Variants in EHF observed in about 807,000 individuals in gnomAD.
EHF encodes ESE3 transcription factor.
Under a neutral mutation model 45.1 loss-of-function variants are expected in EHF, and 14 were observed. The ratio of observed to expected loss-of-function variants is 0.31; its 90% CI spans 0.21 to 0.49. The LOEUF (loss-of-function observed/expected upper bound fraction) is 0.49, where lower values mean the gene tolerates loss of function less well. Ranked by LOEUF, EHF falls within the 20% of genes least tolerant of loss-of-function variation. EHF has a pLI of 0.99. For synonymous variants in EHF, 136 were observed against 131.8 expected, an observed-to-expected ratio of 1.03 and a Z score of -0.22; for missense variants, 282 against 371.4, an observed-to-expected ratio of 0.76 and a Z score of 1.98.
At chr11:34,624,393 T>G in intron 1 of EHF, 6 of 809,564 alleles carry the variant, frequency 7.4e-6, no homozygotes, top group Non-Finnish European at 9.0e-6. Context: ...CCAGGTTCTC[T>G]TAAATCTCTT....
Position 34,631,044 on chromosome 11 carries a change from T to A in EHF, c.-4+9816T>A, listed in dbSNP as rs1235853996. 4.6e-5 allele frequency among the ~76,000 whole-genome samples: 7 copies of A among 152,304 alleles called. No homozygotes were observed. In the East Asian group the frequency reaches 1.4e-3, roughly 29 times the overall value. ...TTATATTATTTTATTTTTATTTTTATTTTTGAGATGGAGTCTTACTTGGTT... is the reference window on the plus strand; with the variant it reads ...TTATATTATTTTATTTTTATTTTTAATTTTGAGATGGAGTCTTACTTGGTT... On this transcript the variant is annotated intron_variant, in intron 1 of 8. Transcript: ENST00000257831.
At chr11:34,622,139 G>T (rs1281666428) in intron 1 of EHF, 3 of 220,142 alleles carry the variant, frequency 1.4e-5, no homozygotes, top group African/African-American at 2.3e-5. Context: ...AATGTGGACT[G>T]ATCTGGGAAC....
intron 7 of EHF, 39 bp downstream of exon 7, chr11:34,657,009 CAT>C: frequency 6.2e-7 from 1 of 1,610,490 alleles, no homozygotes; most frequent in Non-Finnish European, 8.5e-7. Flanking sequence ...TGGTCCTTCC[CAT>C]CACATCGGGC....
chr11:34,631,577 G>A (rs286914), intron 1 of EHF: 293,073 of 982,228 alleles, frequency 0.3, 44,511 homozygotes, highest in African/African-American at 0.39. Flanking sequence ...GGGACCTGAG[G>A]CCTCAAATCT....
chr11:34,621,360 A>G (rs1851980968), intron 1 of EHF, 132 bp downstream of exon 1: 1 of 152,242 alleles, frequency 6.6e-6, no homozygotes. Flanking sequence ...AGTGAAGCTC[A>G]CCTTACCTGG....
chr11:34,663,199 T>C lies in EHF; in HGVS notation c.*4268T>C. 6.6e-6 allele frequency among the ~76,000 whole-genome samples: 1 copy of C among 152,144 alleles called. No homozygotes were observed. The highest frequency in any genetic ancestry group is 1.5e-5 in the Non-Finnish European group (1 of 68,016). On this transcript the variant is annotated 3_prime_UTR_variant, in exon 9 of 9. Coordinates refer to ENST00000257831, the MANE Select transcript of EHF (RefSeq NM_012153.6). The stretch of plus-strand genomic sequence containing the variant: ...TCAAACTATTCCTGCTATTCCTGTT[T>C]TGTCAAAGAATTATATTTTTCAAAA...
At chr11:34,638,785 C>T (rs967352243) in intron 1 of EHF, among the ~76,000 whole-genome samples, 3 of 152,184 alleles carry the variant, frequency 2.0e-5, no homozygotes, top group Non-Finnish European at 2.9e-5. Flanking sequence ...CCTCCCCATC[C>T]GAGGTTCCTG....
intron 1 of EHF, among the ~76,000 whole-genome samples, chr11:34,623,300 G>C (rs567248482): frequency 7.8e-4 from 119 of 152,170 alleles, no homozygotes; most frequent in African/African-American, 2.8e-3. Context: ...CAGCCAGGCT[G>C]GTTTTGAACT....
chr11:34,646,783 G>A (rs1003596723), intron 3 of EHF, 99 bp downstream of exon 3: 4 of 1,484,110 alleles, frequency 2.7e-6, no homozygotes, highest in African/African-American at 1.4e-5. Flanking sequence ...GGACAAGAAA[G>A]AGTGGTCTCA....
intron 1 of EHF, 136 bp from the exon 2 acceptor site, chr11:34,642,492 T>TGGCAATGGGTGGCA (rs1391590708): frequency 6.9e-6 from 4 of 582,388 alleles, no homozygotes; most frequent in Non-Finnish European, 3.1e-6. Context: ...AAAAACGCTT[T>TGGCAATGGGTGGCA]GGCAATGGGT....
chr11:34,656,843 T>C (rs1855718704), intron 6 of EHF, 65 bp from the exon 7 acceptor site: 1 of 1,556,508 alleles, frequency 6.4e-7, no homozygotes, highest in Non-Finnish European at 8.8e-7. Flanking sequence ...AATGAGTGGA[T>C]GCATGAATAA....
rs577347708 is a variant in EHF, at chr11:34,658,944, T to C, written c.*13T>C. On this transcript the variant is annotated 3_prime_UTR_variant, in exon 9 of 9. Transcript: ENST00000257831. ...AAATGAAAACTGAAGCTGCCAATAC[T>C]TTGGACACAAACCAAAACACACACC... is the stretch of plus-strand genomic sequence containing the variant. 10 of 1,598,962 alleles carry C rather than the reference T, an allele frequency of 6.3e-6. No homozygotes were observed. In the Admixed American group the frequency reaches 1.7e-4, roughly 28 times the overall value.
chr11:34,646,848 G>C, intron 3 of EHF, 164 bp downstream of exon 3: 1 of 904,984 alleles, frequency 1.1e-6, no homozygotes, highest in Non-Finnish European at 1.7e-6. Flanking sequence ...GAAAGGACAG[G>C]ATTGAAGCAT....
intron 1 of EHF, among the ~76,000 whole-genome samples, chr11:34,623,737 T>C (rs1392335878): frequency 6.6e-6 from 1 of 152,178 alleles, no homozygotes; most frequent in Non-Finnish European, 1.5e-5. Context: ...TCTGGAATCT[T>C]GCGATATTTT....
intron 4 of EHF, among the ~76,000 whole-genome samples, chr11:34,650,216 T>A (rs1466435533): frequency 6.6e-6 from 1 of 152,076 alleles, no homozygotes; most frequent in South Asian, 2.1e-4. Context: ...TTCTTGACCA[T>A]CCAGACATTC....
At chr11:34,639,419 G>A (rs190973694) in intron 1 of EHF, among the ~76,000 whole-genome samples, 2 of 152,228 alleles carry the variant, frequency 1.3e-5, no homozygotes, top group East Asian at 3.9e-4. Context: ...TTATAATAAG[G>A]TTTTTTTACA....
At chr11:34,647,140 T>C (rs1347350119) in intron 3 of EHF, among the ~76,000 whole-genome samples, 1 of 147,136 alleles carries the variant, frequency 6.8e-6, no homozygotes, top group African/African-American at 2.5e-5. Context: ...TAAGATAGGG[T>C]CCTAAGGGTG....
rs888662473 is a variant in EHF at position 34,662,861 on chromosome 11, T to C, written c.*3930T>C. 6.6e-6 allele frequency among the ~76,000 whole-genome samples: 1 copy of C among 152,116 alleles called. No homozygotes were observed. Among genetic ancestry groups the C allele is most frequent in the African/African-American group, 2.4e-5 (1 of 41,434 alleles). On this transcript the variant is annotated 3_prime_UTR_variant, in exon 9 of 9. Transcript: ENST00000257831. Reference sequence around the variant, plus strand: ...ACGTATTGGGCAGATACTTACTGTATGAATGAAAGAACATCACAGTAATCA... The same window carrying C: ...ACGTATTGGGCAGATACTTACTGTACGAATGAAAGAACATCACAGTAATCA...
chr11:34,649,454 C>T (rs936383935), intron 4 of EHF, among the ~76,000 whole-genome samples: 2 of 152,140 alleles, frequency 1.3e-5, no homozygotes, highest in African/African-American at 4.8e-5. Context: ...GGCAATGTCT[C>T]CTCTTCTCTC....
Sources: allele counts gnomAD v4.1 joint callset (sites outside exome capture counted in the v4.1 genomes callset), GRCh38; gene constraint gnomAD v4.1.1; transcripts MANE v1.5; gene names NCBI Gene and HGNC (gene_info 2026-07-23, HGNC 2026-07-21).